RP1: variants seen among roughly 807,000 people sequenced by gnomAD.
RP1 encodes the protein RP1 axonemal microtubule associated.
A neutral mutation model predicts 14.8 loss-of-function variants in RP1; 16 were observed. The observed-to-expected ratio is 1.08, with a 90% CI of 0.73 to 1.65. The LOEUF (loss-of-function observed/expected upper bound fraction) is 1.65. Ranked by LOEUF, RP1 falls within the 40% of genes most tolerant of loss-of-function variation. RP1 has a pLI of 0.00. For missense variants in RP1, 2,631 were observed against 2,535.0 expected (o/e 1.04, Z -0.81); for synonymous variants, 876 against 883.6 (o/e 0.99, Z 0.15).
At chr8:54,743,313 C>G (rs1048447459) in intron 19 of RP1, among the ~76,000 whole-genome samples, 2 of 152,070 alleles carry the variant, frequency 1.3e-5, no homozygotes, top group Non-Finnish European at 2.9e-5. Context: ...GATTCTTTGG[C>G]TATGTAAATA....
At chr8:54,712,001 G>C (rs1223613064) in intron 15 of RP1, among the ~76,000 whole-genome samples, 1 of 152,152 alleles carries the variant, frequency 6.6e-6, no homozygotes, top group Non-Finnish European at 1.5e-5. Context: ...AATGAACTGT[G>C]GGGAACTTAG....
At chr8:54,620,730 G>T (rs1805835840) in intron 1 of RP1, among the ~76,000 whole-genome samples, 1 of 151,864 alleles carries the variant, frequency 6.6e-6, no homozygotes, top group African/African-American at 2.4e-5. Flanking sequence ...TGTTTAGGTT[G>T]TTTTTTCAAA....
chr8:54,781,763 A>G (rs950734792), intron 23 of RP1, among the ~76,000 whole-genome samples: 2 of 152,192 alleles, frequency 1.3e-5, no homozygotes, highest in African/African-American at 4.8e-5. Flanking sequence ...TGCAAAAAAG[A>G]AAAATATGCT....
At chr8:54,736,406 G>A (rs577670145) in intron 18 of RP1, among the ~76,000 whole-genome samples, 11 of 152,264 alleles carry the variant, frequency 7.2e-5, no homozygotes, top group East Asian at 1.9e-4. Flanking sequence ...GTTCTGTGAC[G>A]TTAAATAGAC....
chr8:54,843,458 G>A lies in RP1; in HGVS notation c.3835+5789G>A, dbSNP rs140488011. Among the ~76,000 whole-genome samples the A allele has an allele frequency of 2.0e-3, 304 of 152,122 alleles. 2 individuals are homozygous for A. Among genetic ancestry groups the A allele is most frequent in the African/African-American group, 6.6e-3 (276 of 41,522 alleles). ...GAGGATGATGCAGCCCCAAACCGCC[G>A]CCGTATATGGTCTTGGATCCCAAAC... On this transcript the variant is annotated intron_variant, in intron 25 of 28. Coordinates refer to the RP1 transcript ENST00000637698.
chr8:54,858,762 A>G (rs1057157620), intron 27 of RP1, among the ~76,000 whole-genome samples: 1 of 150,358 alleles, frequency 6.7e-6, no homozygotes, highest in Non-Finnish European at 1.5e-5. Flanking sequence ...CAATGTTACT[A>G]TAGAGTGATG....
chr8:54,576,308 G>A (rs1178639799), intron 1 of RP1, among the ~76,000 whole-genome samples: 1 of 152,106 alleles, frequency 6.6e-6, no homozygotes, highest in African/African-American at 2.4e-5. Context: ...GCCTCCCAAA[G>A]TGCTGGGATT....
At position 54,627,698 on chromosome 8, in the gene RP1, G is replaced by A. The variant is rs778245191; in HGVS notation, c.3816G>A (p.Glu1272=). The A allele has an allele frequency of 1.9e-6, 3 of 1,614,026 alleles. No individual in the cohort carries two copies. The African/African-American group carries it at 4.0e-5, about 22-fold the overall frequency. ...TAAATAAGGCTTATTCTCCAAAAGAGACATGTAACCCCAGTGACACTTTTT... is the reference window on the plus strand; with the variant it reads ...TAAATAAGGCTTATTCTCCAAAAGAAACATGTAACCCCAGTGACACTTTTT... ...CTVNKAYSPK[E]TCNPSDTFFP... Residue 1272 remains glutamate, a synonymous_variant, in exon 4 of 4, where the codon GAG becomes GAA. Transcript: ENST00000220676.
chr8:54,799,284 C>CA (rs1810645565), intron 24 of RP1, among the ~76,000 whole-genome samples: 1 of 151,932 alleles, frequency 6.6e-6, no homozygotes, highest in South Asian at 2.1e-4. Context: ...TACATTCATT[C>CA]AAAAAACATT....
intron 1 of RP1, among the ~76,000 whole-genome samples, chr8:54,583,552 T>C (rs1293521835): frequency 1.3e-5 from 2 of 152,216 alleles, no homozygotes; most frequent in East Asian, 3.8e-4. Context: ...TTTCTATTGA[T>C]TGGAATAGTT....
intron 12 of RP1, among the ~76,000 whole-genome samples, chr8:54,685,882 C>A (rs771198304): frequency 1.1e-4 from 17 of 152,146 alleles, no homozygotes; most frequent in Non-Finnish European, 2.2e-4. Flanking sequence ...TGGAACCCAG[C>A]CCTCAGGTGG....
At chr8:54,817,794 A>C (rs575088607) in intron 24 of RP1, among the ~76,000 whole-genome samples, 52 of 152,310 alleles carry the variant, frequency 3.4e-4, no homozygotes, top group Middle Eastern at 3.4e-3. Flanking sequence ...GATGTACATA[A>C]AATAAAATAT....
chr8:54,707,637 T>C (rs556892209), intron 15 of RP1, among the ~76,000 whole-genome samples: 86 of 152,366 alleles, frequency 5.6e-4, no homozygotes, highest in African/African-American at 2.0e-3. Flanking sequence ...CTCTCCCTTC[T>C]TACCAGTCAT....
intron 13 of RP1, chr8:54,699,673 A>G: frequency 2.1e-6 from 1 of 482,766 alleles, no homozygotes; most frequent in South Asian, 9.5e-5. Flanking sequence ...TTTGGCTTGT[A>G]CTAGCACTTT....
intron 6 of RP1, among the ~76,000 whole-genome samples, chr8:54,658,841 A>T (rs1806815380): frequency 6.7e-6 from 1 of 149,764 alleles, no homozygotes; most frequent in East Asian, 2.0e-4. Flanking sequence ...ACAATTTTAC[A>T]TCCCACAAGG....
intron 24 of RP1, among the ~76,000 whole-genome samples, chr8:54,826,308 T>G (rs1215323260): frequency 6.6e-6 from 1 of 152,218 alleles, no homozygotes; most frequent in East Asian, 1.9e-4. Flanking sequence ...TGGAGAATAA[T>G]GTAGATGGCT....
intron 3 of RP1, among the ~76,000 whole-genome samples, chr8:54,645,049 A>G (rs1489735630): frequency 6.6e-6 from 1 of 152,150 alleles, no homozygotes; most frequent in Admixed American, 6.5e-5. Context: ...CAATGACCCT[A>G]TGTTTAATTA....
At chr8:54,656,160 T>G (rs1171624156) in exon 6 of RP1, 1 of 1,535,710 alleles carries the variant, frequency 6.5e-7, no homozygotes, top group South Asian at 1.2e-5. Context: ...ATCAAGAGGA[T>G]GGGGAAATCT....
chr8:54,734,804 A>G lies in RP1; in HGVS notation c.2721+60A>G, dbSNP rs1012032064. 29 of 1,415,630 alleles carry G rather than the reference A, an allele frequency of 2.0e-5. No individual in the cohort carries two copies. The African/African-American group carries it at 3.6e-4, about 18-fold the overall frequency. The allele number at this position is 1,415,630 out of a possible 1,614,324, so 87.7% of individuals were successfully genotyped here. A position where few individuals can be genotyped will look rare whatever the true frequency, so the allele number is the denominator to read the frequency against. The stretch of plus-strand genomic sequence containing the variant: ...CATTTCAAAGACATTTCTGTAATGT[A>G]GAAGTGTGTGTGTGTGTGTGTGTGT... On this transcript the variant is annotated intron_variant, in intron 18 of 22. Coordinates refer to the RP1 transcript ENST00000636932.
Sources: allele counts gnomAD v4.1 joint callset (sites outside exome capture counted in the v4.1 genomes callset), GRCh38; gene constraint gnomAD v4.1.1; transcripts MANE v1.5; gene names NCBI Gene and HGNC (gene_info 2026-07-23, HGNC 2026-07-21).